Variants in HDAC9 observed in about 807,000 individuals in gnomAD.
The protein encoded by HDAC9 is MEF-2 interacting transcription repressor (MITR) protein.
In HDAC9, 41 loss-of-function variants were observed where a neutral mutation model predicts 139.4. The ratio of observed to expected loss-of-function variants is 0.29; its 90% CI spans 0.23 to 0.38. The LOEUF (loss-of-function observed/expected upper bound fraction) is 0.38, where lower values mean the gene tolerates loss of function less well. HDAC9 is among the 10% of genes least tolerant of loss of function. HDAC9 has a pLI of 1.00. For missense variants in HDAC9, 1,147 were observed against 1,297.0 expected, an observed-to-expected ratio of 0.88 and a Z score of 1.78; for synonymous variants, 517 against 476.2, an observed-to-expected ratio of 1.09 and a Z score of -1.12.
At chr7:18,393,585 A>G (rs1437434474) in intron 1 of HDAC9, among the ~76,000 whole-genome samples, 1 of 152,156 alleles carries the variant, frequency 6.6e-6, no homozygotes, top group Non-Finnish European at 1.5e-5. Context: ...AGAAAGACTC[A>G]TCTGGAGTCG....
intron 19 of HDAC9, among the ~76,000 whole-genome samples, chr7:18,832,121 C>G (rs994246518): frequency 9.9e-5 from 15 of 152,278 alleles, no homozygotes; most frequent in Non-Finnish European, 2.1e-4. Flanking sequence ...AGCAGGTGTA[C>G]TTGCTTTTCA....
chr7:18,464,340 A>G (rs1794089228), intron 1 of HDAC9, among the ~76,000 whole-genome samples: 1 of 151,994 alleles, frequency 6.6e-6, no homozygotes, highest in Admixed American at 6.6e-5. Flanking sequence ...ATTTCAAACT[A>G]CCATCATATT....
intron 21 of HDAC9, among the ~76,000 whole-genome samples, chr7:18,869,004 GC>G (rs1798702371): frequency 2.0e-5 from 3 of 152,100 alleles, no homozygotes; most frequent in Admixed American, 2.0e-4. Context: ...TTCATTTGTA[GC>G]CTTTGAATGT....
At chr7:18,192,994 C>A (rs1212292288) in intron 2 of HDAC9, among the ~76,000 whole-genome samples, 1 of 152,158 alleles carries the variant, frequency 6.6e-6, no homozygotes, top group African/African-American at 2.4e-5. Flanking sequence ...CTCCTTGAGG[C>A]AGCTTATCTG....
At chr7:18,825,135 G>T (rs1318986857) in intron 17 of HDAC9, among the ~76,000 whole-genome samples, 1 of 152,174 alleles carries the variant, frequency 6.6e-6, no homozygotes, top group Non-Finnish European at 1.5e-5. Context: ...GAGTACATGG[G>T]CTAATATATA....
intron 2 of HDAC9, among the ~76,000 whole-genome samples, chr7:18,257,649 A>G (rs565873896): frequency 1.3e-5 from 2 of 152,132 alleles, no homozygotes; most frequent in African/African-American, 4.8e-5. Context: ...AAAGAGCACA[A>G]CCCTTCCTAA....
chr7:18,968,328 T>C (rs978227644), intron 24 of HDAC9, among the ~76,000 whole-genome samples: 12 of 152,114 alleles, frequency 7.9e-5, no homozygotes, highest in African/African-American at 2.9e-4. Flanking sequence ...TAGTTAGAAA[T>C]CAAAAATATT....
chr7:18,609,057 T>C (rs1836346488), intron 6 of HDAC9, among the ~76,000 whole-genome samples: 1 of 152,220 alleles, frequency 6.6e-6, no homozygotes, highest in Non-Finnish European at 1.5e-5. Flanking sequence ...TCAAAATGCA[T>C]ATTTTAATGT....
intron 24 of HDAC9, among the ~76,000 whole-genome samples, chr7:18,967,865 C>A (rs1585430308): frequency 6.8e-6 from 1 of 146,430 alleles, no homozygotes; most frequent in Non-Finnish European, 1.5e-5. Flanking sequence ...AGTTAAAAAA[C>A]AAAAAAGAAA....
chr7:18,434,096 C>T (rs1467292158), intron 1 of HDAC9, among the ~76,000 whole-genome samples: 2 of 152,060 alleles, frequency 1.3e-5, no homozygotes, highest in South Asian at 2.1e-4. Flanking sequence ...AATAGAGAAC[C>T]CAGAAATAAA....
At position 18,212,471 on chromosome 7, in the gene HDAC9, G is replaced by A. The variant is rs149532120; in HGVS notation, c.25+50122G>A. ...AAATACGGGTGTGAATTCTTGTTGC[G>A]TCATCAAAGATACAGATGTGAGTCC... is the stretch of plus-strand genomic sequence containing the variant. On this transcript the variant is annotated intron_variant, in intron 2 of 12. Transcript: ENST00000417496. Among the ~76,000 whole-genome samples, 665 of 152,186 alleles carry A rather than the reference G, an allele frequency of 4.4e-3. 6 individuals are homozygous for A. The highest frequency in any genetic ancestry group is 0.015 in the African/African-American group (632 of 41,510).
intron 22 of HDAC9, among the ~76,000 whole-genome samples, chr7:18,893,431 A>C (rs1800874585): frequency 6.6e-6 from 1 of 152,194 alleles, no homozygotes; most frequent in Non-Finnish European, 1.5e-5. Flanking sequence ...TACATCAGGC[A>C]TCTAGTGCTG....
At chr7:18,398,774 A>G (rs1165360999) in intron 1 of HDAC9, among the ~76,000 whole-genome samples, 2 of 152,142 alleles carry the variant, frequency 1.3e-5, no homozygotes, top group Non-Finnish European at 2.9e-5. Context: ...TTTAGCCCCA[A>G]GCAGATTTTT....
intron 23 of HDAC9, among the ~76,000 whole-genome samples, chr7:18,947,193 T>G (rs1022744060): frequency 6.6e-6 from 1 of 151,914 alleles, no homozygotes; most frequent in African/African-American, 2.4e-5. Flanking sequence ...AATTAATGTT[T>G]AAAAGCATAT....
chr7:18,885,517 G>A (rs536657415), intron 22 of HDAC9, among the ~76,000 whole-genome samples: 184 of 151,932 alleles, frequency 1.2e-3, no homozygotes, highest in Non-Finnish European at 1.9e-3. Context: ...TTTTACAACC[G>A]TTTATATTTC....
chr7:18,323,795 T>C (rs1800222476), intron 1 of HDAC9, among the ~76,000 whole-genome samples: 1 of 152,134 alleles, frequency 6.6e-6, no homozygotes, highest in Admixed American at 6.5e-5. Flanking sequence ...TTTGGGCTGC[T>C]GTAACAAAAA....
intron 6 of HDAC9, among the ~76,000 whole-genome samples, chr7:18,598,686 C>G (rs1238312940): frequency 6.6e-6 from 1 of 152,096 alleles, no homozygotes; most frequent in African/African-American, 2.4e-5. Context: ...TCTATTATGC[C>G]AAAACTAAAT....
intron 14 of HDAC9, among the ~76,000 whole-genome samples, chr7:18,751,370 A>G (rs1788429835): frequency 6.6e-6 from 1 of 152,122 alleles, no homozygotes; most frequent in South Asian, 2.1e-4. Flanking sequence ...AAGCACAAAC[A>G]TCATATCCAA....
intron 23 of HDAC9, among the ~76,000 whole-genome samples, chr7:18,939,379 A>G (rs1781868233): frequency 1.3e-5 from 2 of 152,310 alleles, no homozygotes; most frequent in African/African-American, 4.8e-5. Flanking sequence ...CAAAGTTAAG[A>G]AAAAGAAAGA....
Sources: allele counts gnomAD v4.1 joint callset (sites outside exome capture counted in the v4.1 genomes callset), GRCh38; gene constraint gnomAD v4.1.1; transcripts MANE v1.5; gene names NCBI Gene and HGNC (gene_info 2026-07-23, HGNC 2026-07-21).